BANK1: variants seen among roughly 807,000 people sequenced by gnomAD.
The protein encoded by BANK1 is B-cell scaffold protein with ankyrin repeats.
In BANK1, 95 loss-of-function variants were observed where a neutral mutation model predicts 94.5. The ratio of observed to expected loss-of-function variants is 1.00; its 90% CI spans 0.85 to 1.19. The LOEUF is 1.19. Among genes scored for constraint, BANK1 ranks in the 50% most tolerant of loss-of-function variants. BANK1 has a pLI of 0.00. For synonymous variants in BANK1, 334 were observed against 308.4 expected (o/e 1.08, Z -0.87); for missense variants, 987 against 932.2 (o/e 1.06, Z -0.77).
intron 5 of BANK1, among the ~76,000 whole-genome samples, chr4:101,878,393 C>A (rs748703871): frequency 2.0e-5 from 3 of 152,102 alleles, no homozygotes; most frequent in Non-Finnish European, 4.4e-5. Flanking sequence ...GGATTCAATT[C>A]GGTAACAGTA....
At chr4:102,030,874 A>G (rs751903454) in intron 10 of BANK1, among the ~76,000 whole-genome samples, 2 of 152,162 alleles carry the variant, frequency 1.3e-5, no homozygotes, top group Non-Finnish European at 2.9e-5. Context: ...AGTCTTTGCT[A>G]TTATGAATAG....
chr4:101,901,350 A>G (rs10212684), intron 6 of BANK1, among the ~76,000 whole-genome samples: 138,980 of 152,208 alleles, frequency 0.91, 63,725 homozygotes, highest in Non-Finnish European at 0.95. Flanking sequence ...GTTAATGAGT[A>G]GAGAGGAAAA....
rs747436235 is a variant in BANK1 at position 101,829,903 on chromosome 4, G to T, written c.166G>T (p.Ala56Ser). 6.2e-7 allele frequency: 1 copy of T among 1,613,814 alleles called. No homozygotes were observed. Among genetic ancestry groups the T allele is most frequent in the Non-Finnish European group, 8.5e-7 (1 of 1,179,852 alleles). The change falls in exon 2 of 17, where the codon GCC becomes TCC. Residue 56 changes from alanine to serine, a missense_variant. Transcript: ENST00000322953. ...EVFLHVVKRE[A>S]ILLYRLENFS... ...ATTTTTACATGTTGTGAAAAGGGAA[G>T]CCATCCTGTTATATCGCTTGGAGAA...
In BANK1 at chr4:101,882,816, G is replaced by A. The variant is rs114873559; in HGVS notation, c.903+12172G>A. 6.3e-3 allele frequency among the ~76,000 whole-genome samples: 961 copies of A among 152,200 alleles called. 10 individuals are homozygous for A. Among genetic ancestry groups the A allele is most frequent in the African/African-American group, 0.021 (884 of 41,502 alleles). ...CAACCACTCTCTATTCTGGAAGATC[G>A]ACTTACAAATATGTGGGCACTCTGT... is the stretch of plus-strand genomic sequence containing the variant. On this transcript the variant is annotated intron_variant, in intron 5 of 16. Coordinates refer to ENST00000322953, the MANE Select transcript of BANK1 (RefSeq NM_017935.5).
intron 4 of BANK1, among the ~76,000 whole-genome samples, chr4:101,865,344 AGT>A (rs1728027875): frequency 6.6e-5 from 10 of 152,132 alleles, no homozygotes; most frequent in Admixed American, 6.5e-4. Flanking sequence ...TTAGTTTGAG[AGT>A]GAGAAACTCC....
intron 7 of BANK1, among the ~76,000 whole-genome samples, chr4:101,921,488 G>T (rs1251951878): frequency 6.6e-6 from 1 of 151,936 alleles, no homozygotes; most frequent in African/African-American, 2.4e-5. Flanking sequence ...AGATTGAGGT[G>T]CTTTGAGATT....
At position 101,924,489 on chromosome 4, in the gene BANK1, G is replaced by T. The variant is rs565748383; in HGVS notation, c.1206+6300G>T. Among the ~76,000 whole-genome samples the T allele has an allele frequency of 2.3e-3, 352 of 151,812 alleles. 2 individuals are homozygous for T. The highest frequency in any genetic ancestry group is 4.3e-3 in the Non-Finnish European group (294 of 67,790). ...TATAGTTTTTTAAAAGCTTTCCTGG[G>T]TTCTCATTCATTACTCTGCCTCAGC... is the stretch of plus-strand genomic sequence containing the variant. On this transcript the variant is annotated intron_variant, in intron 7 of 16. Coordinates refer to ENST00000322953, the MANE Select transcript of BANK1 (RefSeq NM_017935.5).
At chr4:102,047,071 T>G (rs1727901861) in intron 11 of BANK1, among the ~76,000 whole-genome samples, 1 of 152,184 alleles carries the variant, frequency 6.6e-6, no homozygotes, top group Non-Finnish European at 1.5e-5. Flanking sequence ...GCTCCTTTTT[T>G]GCCATTGTGA....
At chr4:101,824,785 A>G (rs949522844) in intron 1 of BANK1, among the ~76,000 whole-genome samples, 1 of 152,060 alleles carries the variant, frequency 6.6e-6, no homozygotes, top group African/African-American at 2.4e-5. Context: ...CAATCAAAAC[A>G]TGGGTATGAG....
At chr4:101,993,239 A>G (rs2631271) in intron 7 of BANK1, among the ~76,000 whole-genome samples, 113,663 of 152,060 alleles carry the variant, frequency 0.75, 44,824 homozygotes, top group Non-Finnish European at 0.88. Context: ...AAGTAATTCT[A>G]AAACAGGAGG....
chr4:101,841,192 T>TA (rs1016833885), intron 2 of BANK1, among the ~76,000 whole-genome samples: 17 of 151,500 alleles, frequency 1.1e-4, no homozygotes, highest in South Asian at 1.0e-3. Flanking sequence ...ATACTCATTG[T>TA]AAAAAAAAAT....
chr4:101,821,646 G>C (rs568280144), intron 1 of BANK1, among the ~76,000 whole-genome samples: 1 of 152,014 alleles, frequency 6.6e-6, no homozygotes, highest in African/African-American at 2.4e-5. Flanking sequence ...TGTTTGGTTT[G>C]GGTTTTTTTG....
intron 1 of BANK1, among the ~76,000 whole-genome samples, chr4:101,817,657 T>C (rs747511469): frequency 6.6e-6 from 1 of 151,916 alleles, no homozygotes; most frequent in Non-Finnish European, 1.5e-5. Context: ...GTAACAAACC[T>C]GCACATCTCG....
chr4:102,070,047 C>A (rs1043285788), intron 13 of BANK1, among the ~76,000 whole-genome samples: 13 of 152,138 alleles, frequency 8.5e-5, no homozygotes, highest in African/African-American at 3.1e-4. Context: ...AACCCCAATT[C>A]TTGTCTCCTC....
Position 101,870,531 on chromosome 4 carries a change from A to G in BANK1, c.790A>G (p.Asn264Asp), listed in dbSNP as rs757403063. 25 of 1,612,394 alleles carry G rather than the reference A, an allele frequency of 1.6e-5. No individual in the cohort carries two copies. Among genetic ancestry groups the G allele is most frequent in the Non-Finnish European group, 2.0e-5 (23 of 1,179,106 alleles). ...LEFPAGSVHV[N>D]VYCDGIVKAT... Reference sequence around the variant, plus strand: ...GTTTCCTGCTGGTTCAGTCCATGTCAATGTCTACTGTGATGGAATCGTTAA... The same window carrying G: ...GTTTCCTGCTGGTTCAGTCCATGTCGATGTCTACTGTGATGGAATCGTTAA... Residue 264 changes from asparagine to aspartate, a missense_variant, in exon 5 of 17, where the codon AAT becomes GAT. Asn to Asp is a conservative substitution (Grantham distance 23, BLOSUM62 1). Coordinates refer to ENST00000322953, the MANE Select transcript of BANK1 (RefSeq NM_017935.5).
At chr4:101,801,697 G>A (rs150863764) in intron 1 of BANK1, among the ~76,000 whole-genome samples, 62 of 152,232 alleles carry the variant, frequency 4.1e-4, no homozygotes, top group African/African-American at 1.3e-3. Context: ...TTTCATCTGT[G>A]TGTTATATAT....
intron 7 of BANK1, 69 bp downstream of exon 7, chr4:101,918,258 A>G (rs1722893825): frequency 9.0e-7 from 1 of 1,106,564 alleles, no homozygotes; most frequent in Non-Finnish European, 1.2e-6. Context: ...TGTAAGAAGA[A>G]AAAACCTATT....
At chr4:101,955,291 A>C (rs1724300158) in intron 7 of BANK1, among the ~76,000 whole-genome samples, 1 of 152,134 alleles carries the variant, frequency 6.6e-6, no homozygotes. Flanking sequence ...TACACATTCA[A>C]ATAGATTGTT....
At chr4:101,814,456 G>A (rs1725833105) in intron 1 of BANK1, among the ~76,000 whole-genome samples, 1 of 152,170 alleles carries the variant, frequency 6.6e-6, no homozygotes, top group Admixed American at 6.6e-5. Context: ...AATGCCAACA[G>A]AGTTTTCTTT....
Sources: gnomAD v4.1 joint callset for allele counts (sites outside exome capture counted in the v4.1 genomes callset) on GRCh38, gnomAD v4.1.1 for gene constraint, MANE v1.5 for transcripts, NCBI Gene and HGNC (gene_info 2026-07-23, HGNC 2026-07-21) for gene names.